The following AGPAT2 variants were observed in gnomAD, a reference collection of about 807,000 sequenced individuals.
The protein encoded by AGPAT2 is 1-acylglycerol-3-phosphate O-acyltransferase 2.
Under a neutral mutation model 26.1 loss-of-function variants are expected in AGPAT2, and 18 were observed. The observed-to-expected ratio is 0.69, with a 90% CI of 0.48 to 1.02. AGPAT2 has a LOEUF of 1.02. Ranked by LOEUF, AGPAT2 falls within the 50% of genes least tolerant of loss-of-function variation. The pLI is 0.00. For synonymous variants in AGPAT2, 200 were observed against 174.2 expected (o/e 1.15, Z -1.16); for missense variants, 415 against 394.9 (o/e 1.05, Z -0.43).
chr9:136,674,773 G>A lies in AGPAT2; in HGVS notation c.623C>T (p.Ser208Phe), dbSNP rs897305145. Residue 208 changes from serine (S) to phenylalanine (F), a missense_variant, in exon 5 of 6, where the codon TCC (serine) becomes TTC (phenylalanine). Ser to Phe is a radical substitution (Grantham distance 155). Transcript: ENST00000371696. ...PIVPVVYSSF[S>F]SFYNTKKKFF... ...CTTCTTCTTGGTGTTGTAGAAGGAG[G>A]AGAAGGAAGAGTACACCACGGGGAC... 9.1e-6 allele frequency: 14 copies of A among 1,536,650 alleles called. No individual in the cohort carries two copies. In the African/African-American group the frequency reaches 1.4e-4, roughly 15 times the overall value.
intron 1 of AGPAT2, among the ~76,000 whole-genome samples, chr9:136,681,917 C>A (rs1383508819): frequency 1.3e-5 from 2 of 152,174 alleles, no homozygotes; most frequent in Non-Finnish European, 2.9e-5. Context: ...GCCTTCTAAG[C>A]ACAGAGGCCC....
At position 136,684,805 on chromosome 9, in the gene AGPAT2, G is replaced by A. The variant is rs138623568; in HGVS notation, c.182+2371C>T. On this transcript the variant is annotated intron_variant, in intron 1 of 5. Coordinates refer to ENST00000371696, the MANE Select transcript of AGPAT2 (RefSeq NM_006412.4). ...TATCTCAGCCTCAGTGTCCTTATTT[G>A]TAACACAGAGCACACGCGAATCCCT... 9.4e-3 allele frequency among the ~76,000 whole-genome samples: 1,427 copies of A among 152,312 alleles called. 28 individuals carry two copies. Among genetic ancestry groups the A allele is most frequent in the African/African-American group, 0.033 (1,377 of 41,560 alleles).
Position 136,673,788 on chromosome 9 carries a change from CCCGT to C in AGPAT2, c.797_800del (p.Asn266ArgfsTer20), listed in dbSNP as rs1564289276. 3 of 1,604,028 alleles carry C rather than the reference CCCGT, an allele frequency of 1.9e-6. No homozygotes were observed. Among genetic ancestry groups the C allele is most frequent in the Non-Finnish European group, 2.5e-6 (3 of 1,176,882 alleles). On this transcript the variant is annotated frameshift_variant, in exon 6 of 6. Transcript: ENST00000371696. LOFTEE classifies it low-confidence loss of function (END_TRUNC). ...GCTGCACGCCAGACCCCGCAGTGGC[CCCGT>C]TCTCCTGGGGGGTCTTGGAGATGTG...
chr9:136,687,160 C>T lies in AGPAT2; in HGVS notation c.182+16G>A. 2 of 1,576,086 alleles carry T rather than the reference C, an allele frequency of 1.3e-6. No homozygotes were observed. Among genetic ancestry groups the T allele is most frequent in the African/African-American group, 1.4e-5 (1 of 72,074 alleles). ...GCGGCGGTTCCCCGGCCCCTCCCGG[C>T]GGCCCCCGGCCTTGCCTCATGTTCT... is the stretch of plus-strand genomic sequence containing the variant. On this transcript the variant is annotated intron_variant, in intron 1 of 5. Transcript: ENST00000371696.
chr9:136,676,593 G>A lies in AGPAT2; in HGVS notation c.580C>T (p.Gln194Ter), dbSNP rs1283019657. 6 of 1,612,644 alleles carry A rather than the reference G, an allele frequency of 3.7e-6. No homozygotes were observed. Among genetic ancestry groups the A allele is most frequent in the Non-Finnish European group, 5.1e-6 (6 of 1,179,540 alleles). ...FKKGAFYLAVQAQVPIVPVVY... is the reference protein window; with the variant it reads ...FKKGAFYLAV Reference sequence around the variant, plus strand: ...GGCTGGGCTCAGCCTACCTGTGCCTGGACTGCCAGGTAGAAGGCGCCCTTC... The same window carrying A: ...GGCTGGGCTCAGCCTACCTGTGCCTAGACTGCCAGGTAGAAGGCGCCCTTC... The change falls in exon 4 of 6, where the codon CAG becomes TAG. Residue 194 changes from glutamine (Q) to a stop codon, truncating the protein, a stop_gained. Transcript: ENST00000371696. LOFTEE classifies it high-confidence loss of function.
At chr9:136,683,853 G>A (rs1044252494) in intron 1 of AGPAT2, among the ~76,000 whole-genome samples, 2 of 152,220 alleles carry the variant, frequency 1.3e-5, no homozygotes, top group Non-Finnish European at 1.5e-5. Flanking sequence ...GATGGCATCT[G>A]TCATCACCGG....
chr9:136,680,127 C>T (rs980305918), intron 1 of AGPAT2, among the ~76,000 whole-genome samples: 1 of 152,274 alleles, frequency 6.6e-6, no homozygotes, highest in East Asian at 1.9e-4. Context: ...AGCCAAGACA[C>T]ACCTGCAATT....
chr9:136,673,358 T>C lies in AGPAT2; in HGVS notation c.*394A>G, dbSNP rs1846033977. ...ACCCTGGAGCCCAGCTGCACCCTGG[T>C]GGGTCCCAGGCGGCTGAGCAGAGGG... On this transcript the variant is annotated 3_prime_UTR_variant, in exon 6 of 6. Coordinates refer to ENST00000371696, the MANE Select transcript of AGPAT2 (RefSeq NM_006412.4). 6.1e-6 allele frequency: 1 copy of C among 163,738 alleles called. No homozygotes were observed. Among genetic ancestry groups the C allele is most frequent in the African/African-American group, 2.4e-5 (1 of 41,918 alleles). 10.1% of individuals were successfully genotyped at this position (163,738 alleles called of 1,614,324 possible).
intron 1 of AGPAT2, among the ~76,000 whole-genome samples, chr9:136,686,490 G>A (rs1417627410): frequency 6.6e-6 from 1 of 152,222 alleles, no homozygotes; most frequent in Non-Finnish European, 1.5e-5. Flanking sequence ...CCACCTTCTG[G>A]AAGGCGTCCA....
chr9:136,676,777 G>T, intron 3 of AGPAT2, 97 bp from the exon 4 acceptor site: 1 of 1,345,780 alleles, frequency 7.4e-7, no homozygotes, highest in Non-Finnish European at 1.1e-6. Flanking sequence ...TCGCAAAGCA[G>T]CTGGCATGGG....
intron 1 of AGPAT2, among the ~76,000 whole-genome samples, chr9:136,678,374 ACT>A (rs1365153902): frequency 6.6e-6 from 1 of 151,914 alleles, no homozygotes; most frequent in Non-Finnish European, 1.5e-5. Flanking sequence ...GTACCCGAAG[ACT>A]CTGACCAGCT....
At chr9:136,680,288 G>A (rs1221935824) in intron 1 of AGPAT2, among the ~76,000 whole-genome samples, 2 of 152,196 alleles carry the variant, frequency 1.3e-5, no homozygotes, top group Non-Finnish European at 2.9e-5. Context: ...GTGCAGTGGT[G>A]TGATCTCAGC....
At chr9:136,674,158 G>A (rs1026493035) in intron 5 of AGPAT2, among the ~76,000 whole-genome samples, 18 of 151,960 alleles carry the variant, frequency 1.2e-4, no homozygotes, top group Non-Finnish European at 4.4e-5. Flanking sequence ...ACAAGTCTGC[G>A]CTCCCCTGTT....
chr9:136,682,783 C>G (rs1428174264), intron 1 of AGPAT2, among the ~76,000 whole-genome samples: 1 of 152,262 alleles, frequency 6.6e-6, no homozygotes, highest in East Asian at 1.9e-4. Context: ...AGCGAAGCCC[C>G]GTAAGAGACC....
rs939309307 is a variant in AGPAT2, at chr9:136,687,100, G to A, written c.182+76C>T. The A allele has an allele frequency of 5.5e-6, 8 of 1,467,014 alleles. No individual in the cohort carries two copies. In the African/African-American group the frequency reaches 7.3e-5, roughly 13 times the overall value. 90.9% of individuals were successfully genotyped at this position (1,467,014 alleles called of 1,614,324 possible). On this transcript the variant is annotated intron_variant, in intron 1 of 5. Transcript: ENST00000371696. ...CGGGACGGGCGGGGCAGGAAGGAGG[G>A]AAGCCCAGAAGAAAGTTAGGGAAGC...
chr9:136,673,745 G>T lies in AGPAT2; in HGVS notation c.*7C>A. 1 of 1,578,918 alleles carries T rather than the reference G, an allele frequency of 6.3e-7. No homozygotes were observed. The highest frequency in any genetic ancestry group is 8.6e-7 in the Non-Finnish European group (1 of 1,163,160). On this transcript the variant is annotated 3_prime_UTR_variant, in exon 6 of 6. Transcript: ENST00000371696. The stretch of plus-strand genomic sequence containing the variant: ...CCTCCCCAGGTCATGCCCTGCCGTG[G>T]TCTGGGCTACTGGGCCGGCTGCACG...
chr9:136,674,700 G>A, intron 5 of AGPAT2, 35 bp downstream of exon 5: 2 of 1,384,608 alleles, frequency 1.4e-6, no homozygotes, highest in Middle Eastern at 1.9e-4. Flanking sequence ...GGGTCAGGCG[G>A]GGCCTACACC....
intron 4 of AGPAT2, among the ~76,000 whole-genome samples, chr9:136,675,106 G>C (rs935017472): frequency 2.7e-4 from 41 of 152,170 alleles, no homozygotes; most frequent in Admixed American, 8.5e-4. Flanking sequence ...AGCTAGCCAG[G>C]GGGGCAGGGC....
chr9:136,687,100 G>C (rs939309307), intron 1 of AGPAT2, 76 bp downstream of exon 1: 1 of 1,467,014 alleles, frequency 6.8e-7, no homozygotes, highest in Non-Finnish European at 9.1e-7. Context: ...AGGAAGGAGG[G>C]AAGCCCAGAA....
Sources: allele counts gnomAD v4.1 joint callset (sites outside exome capture counted in the v4.1 genomes callset), GRCh38; gene constraint gnomAD v4.1.1; transcripts MANE v1.5; gene names NCBI Gene and HGNC (gene_info 2026-07-23, HGNC 2026-07-21).